AGBL1: variants seen among roughly 807,000 people sequenced by gnomAD.
AGBL1 encodes the protein cytosolic carboxypeptidase 4.
AGBL1 carries 130 observed loss-of-function variants against 118.9 expected under a neutral mutation model. That is an observed-to-expected ratio of 1.09 (90% confidence interval 0.95 to 1.26). The LOEUF (loss-of-function observed/expected upper bound fraction) is 1.26. AGBL1 is among the 50% of genes most tolerant of loss of function. The pLI, the probability that AGBL1 is intolerant of heterozygous loss-of-function variation, is 0.00. For missense variants in AGBL1, 1,584 were observed against 1,298.1 expected (o/e 1.22, Z -3.38); for synonymous variants, 555 against 478.9 (o/e 1.16, Z -2.08).
chr15:86,883,596 A>G (rs747250332), intron 22 of AGBL1, among the ~76,000 whole-genome samples: 10 of 152,040 alleles, frequency 6.6e-5, no homozygotes, highest in Middle Eastern at 3.2e-3. Flanking sequence ...AACATTCACC[A>G]AACTCTACCG....
chr15:86,917,813 C>T (rs1209211019), downstream of AGBL1, among the ~76,000 whole-genome samples: 5 of 151,920 alleles, frequency 3.3e-5, no homozygotes, highest in African/African-American at 4.8e-5. This position sits in a 1 kb window ranked among gnomAD's most constrained non-coding sequence, Gnocchi z 4.8. Context: ...GAGGACTTCC[C>T]AGCATGGCTC....
chr15:86,157,137 A>G (rs569473627), intron 4 of AGBL1, among the ~76,000 whole-genome samples: 4 of 152,160 alleles, frequency 2.6e-5, no homozygotes, highest in African/African-American at 9.6e-5. Context: ...AACATGGAGG[A>G]TTCATAAAAA....
At chr15:86,813,246 C>G (rs538506601) in intron 22 of AGBL1, among the ~76,000 whole-genome samples, 25 of 152,084 alleles carry the variant, frequency 1.6e-4, no homozygotes, top group African/African-American at 6.0e-4. Context: ...TAGTAGGGGT[C>G]AGTCCAAAGG....
intron 17 of AGBL1, among the ~76,000 whole-genome samples, chr15:86,379,397 T>G (rs955402425): frequency 6.6e-6 from 1 of 152,180 alleles, no homozygotes; most frequent in African/African-American, 2.4e-5. Context: ...AGAAAACTTT[T>G]TAAAGTCAAA....
chr15:86,931,617 G>GCTGCTGCTGC (rs1267061370), intron 23 of AGBL1, among the ~76,000 whole-genome samples: 2 of 118,756 alleles, frequency 1.7e-5, no homozygotes, highest in South Asian at 5.7e-4. Context: ...GCTGCTGCTG[G>GCTGCTGCTGC]TTGTTGTATT....
chr15:86,723,574 G>T (rs1046938507), intron 22 of AGBL1, among the ~76,000 whole-genome samples: 5 of 147,966 alleles, frequency 3.4e-5, no homozygotes, highest in African/African-American at 7.3e-5. Flanking sequence ...GTTAATGGGT[G>T]CAGCACACCA....
chr15:86,857,793 G>C (rs751555495), intron 22 of AGBL1, among the ~76,000 whole-genome samples: 3 of 152,174 alleles, frequency 2.0e-5, no homozygotes, highest in Non-Finnish European at 4.4e-5. Flanking sequence ...AACCTAGAAG[G>C]TCTCAATAAA....
intron 24 of AGBL1, among the ~76,000 whole-genome samples, chr15:87,026,564 C>A (rs1300907000): frequency 4.6e-5 from 7 of 152,050 alleles, no homozygotes; most frequent in East Asian, 1.9e-4. Flanking sequence ...TAAACTAGTA[C>A]AATCACTATG....
chr15:86,488,088 G>GT (rs1222845553), intron 18 of AGBL1, among the ~76,000 whole-genome samples: 1 of 152,044 alleles, frequency 6.6e-6, no homozygotes, highest in Non-Finnish European at 1.5e-5. Flanking sequence ...TTGGCCCACA[G>GT]TTTTAGTCAT....
At chr15:86,923,766 T>C (rs1050897950) in intron 23 of AGBL1, among the ~76,000 whole-genome samples, 4 of 152,206 alleles carry the variant, frequency 2.6e-5, no homozygotes, top group Non-Finnish European at 4.4e-5. Flanking sequence ...ATGCTCCCTA[T>C]AAAACTTCAT....
intron 22 of AGBL1, among the ~76,000 whole-genome samples, chr15:86,780,340 T>TA (rs1213786023): frequency 1.3e-5 from 2 of 152,234 alleles, no homozygotes; most frequent in African/African-American, 4.8e-5. Context: ...TTTCCCTTTT[T>TA]ATCTCAATAT....
intron 23 of AGBL1, among the ~76,000 whole-genome samples, chr15:86,961,532 G>T (rs929237084): frequency 6.6e-6 from 1 of 152,046 alleles, no homozygotes; most frequent in African/African-American, 2.4e-5. Flanking sequence ...AGGGGAGAGG[G>T]TCCAGTGGTG....
intron 17 of AGBL1, among the ~76,000 whole-genome samples, chr15:86,298,319 AAC>A (rs2079689898): frequency 8.8e-6 from 1 of 114,074 alleles, no homozygotes; most frequent in Admixed American, 9.2e-5. Context: ...ATATATAGGT[AAC>A]TATATATATG....
chr15:86,572,192 C>T (rs1326835001), intron 21 of AGBL1, among the ~76,000 whole-genome samples: 1 of 152,050 alleles, frequency 6.6e-6, no homozygotes, highest in African/African-American at 2.4e-5. Flanking sequence ...GGGGGAAGTG[C>T]CGGCTCCCTT....
chr15:86,672,040 C>A (rs753149675), intron 21 of AGBL1, among the ~76,000 whole-genome samples: 6 of 152,130 alleles, frequency 3.9e-5, no homozygotes, highest in Non-Finnish European at 7.3e-5. Flanking sequence ...CCACTGTACT[C>A]CAGCTTGGGT....
At chr15:86,989,240 A>G (rs2081314123) in intron 24 of AGBL1, among the ~76,000 whole-genome samples, 1 of 152,076 alleles carries the variant, frequency 6.6e-6, no homozygotes, top group South Asian at 2.1e-4. Context: ...ACCTCAAGTT[A>G]TCATCTTACC....
At chr15:86,773,778 A>G (rs1344906915) in intron 22 of AGBL1, among the ~76,000 whole-genome samples, 1 of 151,956 alleles carries the variant, frequency 6.6e-6, no homozygotes, top group Non-Finnish European at 1.5e-5. Flanking sequence ...CTCTGTATCC[A>G]CTGAAAAAGA....
At chr15:86,375,089 T>C (rs1012105549) in intron 17 of AGBL1, among the ~76,000 whole-genome samples, 4 of 152,242 alleles carry the variant, frequency 2.6e-5, no homozygotes, top group Non-Finnish European at 5.9e-5. Context: ...TTCCCTTGAC[T>C]TTTGGTCAGA....
At chr15:86,546,516 A>G (rs537326398) in intron 20 of AGBL1, among the ~76,000 whole-genome samples, 15 of 152,318 alleles carry the variant, frequency 9.8e-5, no homozygotes, top group African/African-American at 3.4e-4. Context: ...TAAAATGAGG[A>G]TAGTAAAAAT....
Sources: allele counts gnomAD v4.1 joint callset (sites outside exome capture counted in the v4.1 genomes callset), GRCh38; gene constraint gnomAD v4.1.1; non-coding constraint Gnocchi (gnomAD v3.1); transcripts MANE v1.5; gene names NCBI Gene and HGNC (gene_info 2026-07-23, HGNC 2026-07-21).